The following ANKRD11 variants were observed in gnomAD, a reference collection of about 807,000 sequenced individuals.
The protein encoded by ANKRD11 is ankyrin repeat domain 11.
A neutral mutation model predicts 195.7 loss-of-function variants in ANKRD11; 17 were observed. The ratio of observed to expected loss-of-function variants is 0.09; its 90% CI spans 0.06 to 0.13. The LOEUF (loss-of-function observed/expected upper bound fraction) is 0.13, where lower values mean the gene tolerates loss of function less well. Ranked by LOEUF, ANKRD11 falls within the 10% of genes least tolerant of loss-of-function variation. ANKRD11 has a pLI of 1.00. For synonymous variants in ANKRD11, 1,953 were observed against 1,528.1 expected (o/e 1.28, Z -6.49); for missense variants, 3,735 against 3,566.1 (o/e 1.05, Z -1.21).
intron 2 of ANKRD11, among the ~76,000 whole-genome samples, chr16:89,391,829 A>G (rs2965829): frequency 5.9e-5 from 9 of 152,238 alleles, no homozygotes; most frequent in East Asian, 3.9e-4. Flanking sequence ...AAAGACCTGT[A>G]CTGACATTCT....
chr16:89,308,558 C>T (rs1405468923), intron 3 of ANKRD11, among the ~76,000 whole-genome samples: 3 of 152,178 alleles, frequency 2.0e-5, no homozygotes, highest in African/African-American at 4.8e-5. Flanking sequence ...CGAGGAGATG[C>T]ACACCAGCAC....
intron 2 of ANKRD11, among the ~76,000 whole-genome samples, chr16:89,393,424 A>AG (rs2041286730): frequency 1.3e-5 from 2 of 151,254 alleles, no homozygotes; most frequent in Non-Finnish European, 2.9e-5. Context: ...CCTGAGTTCA[A>AG]GCAATTCTCC....
intron 1 of ANKRD11, among the ~76,000 whole-genome samples, chr16:89,465,052 T>C (rs2056836704): frequency 6.6e-6 from 1 of 152,248 alleles, no homozygotes; most frequent in African/African-American, 2.4e-5. Flanking sequence ...GTGAAAATTA[T>C]ATGAAATTCT....
chr16:89,275,396 G>A (rs867821998), intron 9 of ANKRD11, among the ~76,000 whole-genome samples: 9 of 152,224 alleles, frequency 5.9e-5, no homozygotes, highest in Admixed American at 2.6e-4. Flanking sequence ...ACACCTCCAC[G>A]GTGCCCCGTA....
At chr16:89,274,075 A>G (rs1048671054) in intron 11 of ANKRD11, among the ~76,000 whole-genome samples, 4 of 152,158 alleles carry the variant, frequency 2.6e-5, no homozygotes, top group Admixed American at 6.5e-5. Context: ...GGGGTCCCAC[A>G]TGGACAGGTC....
chr16:89,276,110 G>A (rs1333508181), intron 9 of ANKRD11, among the ~76,000 whole-genome samples: 8 of 152,216 alleles, frequency 5.3e-5, no homozygotes, highest in Non-Finnish European at 8.8e-5. Context: ...TCAGCAACAG[G>A]AGCGCACGGG....
chr16:89,408,623 C>T (rs2042000977), intron 2 of ANKRD11, among the ~76,000 whole-genome samples: 1 of 152,190 alleles, frequency 6.6e-6, no homozygotes, highest in African/African-American at 2.4e-5. Flanking sequence ...AAAGACGTCC[C>T]AGCCGTGCCC....
intron 3 of ANKRD11, chr16:89,313,708 C>T (rs1190124397): frequency 3.7e-6 from 3 of 806,592 alleles, no homozygotes; most frequent in Non-Finnish European, 5.3e-6. Context: ...CAGATGTGTG[C>T]ACCTGAGTTC....
rs935205076 is a variant in ANKRD11, at chr16:89,312,787, G to A, written c.87+4146C>T. On this transcript the variant is annotated intron_variant, in intron 3 of 12. Transcript: ENST00000301030. ...TACAGACCCCATGCCAGACTGGCTCGTGAAACCACAGCCTGAGGTGGGACA... is the reference window on the plus strand; with the variant it reads ...TACAGACCCCATGCCAGACTGGCTCATGAAACCACAGCCTGAGGTGGGACA... Among the ~76,000 whole-genome samples, 17 of 152,146 alleles carry A rather than the reference G, an allele frequency of 1.1e-4. No homozygotes were observed. In the East Asian group the frequency reaches 1.2e-3, roughly 10 times the overall value.
intron 2 of ANKRD11, among the ~76,000 whole-genome samples, chr16:89,334,013 A>G (rs1351364458): frequency 2.0e-5 from 3 of 152,124 alleles, no homozygotes; most frequent in East Asian, 3.9e-4. Flanking sequence ...TTCTCAATCT[A>G]TAAAATACAG....
intron 2 of ANKRD11, among the ~76,000 whole-genome samples, chr16:89,367,107 C>T (rs551499868): frequency 1.3e-5 from 2 of 152,296 alleles, no homozygotes; most frequent in South Asian, 4.1e-4. Flanking sequence ...CGAGACTCAC[C>T]GGATACTCAC....
chr16:89,458,353 T>C (rs1019547673), intron 1 of ANKRD11, among the ~76,000 whole-genome samples: 1 of 151,912 alleles, frequency 6.6e-6, no homozygotes, highest in Non-Finnish European at 1.5e-5. Context: ...GCCTCCTGAG[T>C]AGCTGGGACT....
chr16:89,306,730 C>T lies in ANKRD11; in HGVS notation c.88-1386G>A, dbSNP rs139183783. ...TCCCACTCCGCAGACACGCGCCACC[C>T]ACCTCCCACTCCGCAGACACGCGCC... On this transcript the variant is annotated intron_variant, in intron 3 of 12. Transcript: ENST00000301030. 2.4e-3 allele frequency among the ~76,000 whole-genome samples: 18 copies of T among 7,502 alleles called. 4 individuals carry two copies. In the South Asian group the frequency reaches 0.028, roughly 12 times the overall value. 4.9% of individuals were successfully genotyped at this position (7,502 alleles called of 152,430 possible).
At chr16:89,486,304 G>T (rs1013410648) in intron 1 of ANKRD11, among the ~76,000 whole-genome samples, 2 of 151,852 alleles carry the variant, frequency 1.3e-5, no homozygotes, top group African/African-American at 2.4e-5. Flanking sequence ...AGCTGGGCAC[G>T]GCGGCACATG....
At chr16:89,374,588 A>T (rs1838054330) in intron 2 of ANKRD11, among the ~76,000 whole-genome samples, 1 of 152,210 alleles carries the variant, frequency 6.6e-6, no homozygotes, top group Non-Finnish European at 1.5e-5. Flanking sequence ...AGGATGCGCC[A>T]TCTACAGAGC....
intron 1 of ANKRD11, among the ~76,000 whole-genome samples, chr16:89,436,137 G>A (rs570466702): frequency 6.6e-6 from 1 of 152,212 alleles, no homozygotes; most frequent in African/African-American, 2.4e-5. Context: ...TAATTCGGCC[G>A]GGCACAGTGG....
chr16:89,318,231 C>A (rs910009013), intron 2 of ANKRD11, among the ~76,000 whole-genome samples: 1 of 152,232 alleles, frequency 6.6e-6, no homozygotes, highest in Non-Finnish European at 1.5e-5. Flanking sequence ...GGCATGGACA[C>A]TCTCGGAGCA....
chr16:89,485,956 G>A (rs887790826), intron 1 of ANKRD11, among the ~76,000 whole-genome samples: 2 of 152,172 alleles, frequency 1.3e-5, no homozygotes, highest in African/African-American at 4.8e-5. Flanking sequence ...TGATGGAAAC[G>A]ATGAGGAAAT....
At chr16:89,489,660 C>T (rs1221187067) in intron 1 of ANKRD11, among the ~76,000 whole-genome samples, 1 of 151,910 alleles carries the variant, frequency 6.6e-6, no homozygotes, top group East Asian at 1.9e-4. Context: ...CCCAGCTCCG[C>T]AGAACCCGGC....
Sources: allele counts gnomAD v4.1 joint callset (sites outside exome capture counted in the v4.1 genomes callset), GRCh38; gene constraint gnomAD v4.1.1; transcripts MANE v1.5; gene names NCBI Gene and HGNC (gene_info 2026-07-23, HGNC 2026-07-21).